DNM3: variants seen among roughly 807,000 people sequenced by gnomAD.
DNM3 encodes the protein dynamin 3.
A neutral mutation model predicts 101.6 loss-of-function variants in DNM3; 47 were observed. The ratio of observed to expected loss-of-function variants is 0.46; its 90% CI spans 0.37 to 0.59. DNM3 has a LOEUF of 0.59. Ranked by LOEUF, DNM3 falls within the 20% of genes least tolerant of loss-of-function variation. The pLI is 0.00. For missense variants in DNM3, 849 were observed against 1,085.7 expected (o/e 0.78, Z 3.06); for synonymous variants, 385 against 387.9 (o/e 0.99, Z 0.09).
At chr1:172,384,960 G>A (rs1471100841) in intron 18 of DNM3, among the ~76,000 whole-genome samples, 1 of 152,166 alleles carries the variant, frequency 6.6e-6, no homozygotes, top group Non-Finnish European at 1.5e-5. Context: ...CGTCTGTAAG[G>A]AAGGGAATGA....
chr1:172,359,526 G>A (rs2067632815), intron 17 of DNM3, among the ~76,000 whole-genome samples: 1 of 151,680 alleles, frequency 6.6e-6, no homozygotes, highest in Admixed American at 6.6e-5. Context: ...ACAATTTGGA[G>A]TAGGGAGTAA....
In DNM3 at chr1:172,033,224, G is replaced by A; in HGVS notation, c.808G>A (p.Asp270Asn). Residue 270 changes from aspartate (D) to asparagine (N), a missense_variant, in exon 6 of 21, where the codon GAC (aspartate) becomes AAC (asparagine). By Grantham distance (23) the Asp-to-Asn change is conservative (BLOSUM62 1). Transcript: ENST00000627582. ...LSHPAYRHIA[D>N]RMGTPHLQKV... ...CCACCCGGCTTACAGACATATCGCT[G>A]ACCGAATGGGAACCCCACACCTGCA... 6.2e-7 allele frequency: 1 copy of A among 1,606,190 alleles called. No homozygotes were observed. The highest frequency in any genetic ancestry group is 8.5e-7 in the Non-Finnish European group (1 of 1,176,256).
At chr1:172,170,368 A>G (rs2058909553) in intron 14 of DNM3, among the ~76,000 whole-genome samples, 2 of 151,818 alleles carry the variant, frequency 1.3e-5, no homozygotes, top group Admixed American at 6.6e-5. Context: ...AGACTTAAGC[A>G]TTTAACAACA....
At chr1:172,340,835 C>G (rs1432435806) in intron 17 of DNM3, among the ~76,000 whole-genome samples, 1 of 152,164 alleles carries the variant, frequency 6.6e-6, no homozygotes, top group East Asian at 1.9e-4. Flanking sequence ...ACTTCCAATA[C>G]TGTGTTGAAT....
chr1:172,338,688 C>A (rs528396926), intron 17 of DNM3: 1 of 360,740 alleles, frequency 2.8e-6, no homozygotes, highest in Non-Finnish European at 5.5e-6. Context: ...CCACCAGGTG[C>A]GCCCTGAGAG....
chr1:172,256,040 A>G (rs1049522891), intron 15 of DNM3, among the ~76,000 whole-genome samples: 1 of 152,046 alleles, frequency 6.6e-6, no homozygotes, highest in African/African-American at 2.4e-5. Flanking sequence ...CTGATGTTAA[A>G]CCATCCTTTG....
chr1:172,295,183 T>A (rs1253951338), intron 15 of DNM3, among the ~76,000 whole-genome samples: 1 of 152,038 alleles, frequency 6.6e-6, no homozygotes, highest in Non-Finnish European at 1.5e-5. Context: ...CTTCACTACA[T>A]CAACTTGAGA....
At chr1:171,958,686 T>C (rs917504718) in intron 2 of DNM3, among the ~76,000 whole-genome samples, 1 of 152,116 alleles carries the variant, frequency 6.6e-6, no homozygotes, top group Non-Finnish European at 1.5e-5. Context: ...GGTGTGACTG[T>C]GGAGTAAGCT....
intron 15 of DNM3, chr1:172,289,636 A>G (rs988870995): frequency 9.2e-6 from 9 of 981,898 alleles, no homozygotes; most frequent in African/African-American, 1.7e-5. Flanking sequence ...AACTTGCTCA[A>G]TTTAATGCTG....
chr1:172,167,088 G>A (rs1225704593), intron 14 of DNM3, among the ~76,000 whole-genome samples: 2 of 151,922 alleles, frequency 1.3e-5, no homozygotes, highest in Non-Finnish European at 2.9e-5. Context: ...CCCCATGTCA[G>A]GCCCTGGTGT....
intron 15 of DNM3, among the ~76,000 whole-genome samples, chr1:172,293,697 G>A (rs2064026782): frequency 6.6e-6 from 1 of 152,084 alleles, no homozygotes; most frequent in African/African-American, 2.4e-5. Flanking sequence ...CCTAAGATGA[G>A]GCTTCGAAAA....
Position 172,076,592 on chromosome 1 carries a change from G to A in DNM3, c.1423-5240G>A, listed in dbSNP as rs147331656. 5.9e-3 allele frequency among the ~76,000 whole-genome samples: 893 copies of A among 152,282 alleles called. 10 individuals carry two copies. Among genetic ancestry groups the A allele is most frequent in the African/African-American group, 0.02 (846 of 41,556 alleles). On this transcript the variant is annotated intron_variant, in intron 11 of 20. Transcript: ENST00000627582. ...AGATAATCATGTGGTTTACGTCATT[G>A]ATTCTGTTTATGTGATGGATTACAT...
At chr1:172,246,758 T>C (rs1162845800) in intron 14 of DNM3, among the ~76,000 whole-genome samples, 2 of 152,074 alleles carry the variant, frequency 1.3e-5, no homozygotes, top group Non-Finnish European at 2.9e-5. Flanking sequence ...ATGATGAATA[T>C]GTATGGTTAC....
At chr1:172,109,042 C>T (rs2055266531) in intron 13 of DNM3, among the ~76,000 whole-genome samples, 1 of 152,214 alleles carries the variant, frequency 6.6e-6, no homozygotes, top group South Asian at 2.1e-4. Context: ...AATATGAATT[C>T]TTTATGGAGT....
rs1187085809 is a variant in DNM3 at position 171,944,381 on chromosome 1, A to ATTTG, written c.235+22564_235+22567dup. On this transcript the variant is annotated intron_variant, in intron 2 of 20. Transcript: ENST00000627582. ...TATTTATTTATTTATTTATTTATTT[A>ATTTG]TTTGTTTATTTATAGATGGGGTCTC... Among the ~76,000 whole-genome samples the ATTTG allele has an allele frequency of 8.4e-4, 118 of 140,796 alleles. 1 individual carries two copies. Among genetic ancestry groups the ATTTG allele is most frequent in the African/African-American group, 2.1e-3 (77 of 36,480 alleles). 92.4% of individuals were successfully genotyped at this position (140,796 alleles called of 152,430 possible).
intron 17 of DNM3, among the ~76,000 whole-genome samples, chr1:172,357,714 C>T (rs1368388504): frequency 3.3e-5 from 5 of 151,960 alleles, no homozygotes; most frequent in Admixed American, 6.6e-5. Context: ...TACTAACATT[C>T]GAAGAATCTG....
At chr1:172,235,451 A>G (rs1401236096) in intron 14 of DNM3, among the ~76,000 whole-genome samples, 1 of 152,176 alleles carries the variant, frequency 6.6e-6, no homozygotes, top group Non-Finnish European at 1.5e-5. Context: ...ATTCCTCAGG[A>G]TCTAGAACTA....
At chr1:171,939,430 A>G (rs927682974) in intron 2 of DNM3, among the ~76,000 whole-genome samples, 4 of 152,032 alleles carry the variant, frequency 2.6e-5, no homozygotes, top group African/African-American at 9.7e-5. Context: ...CTATTTTTGG[A>G]GGAGATATGG....
rs150550953 is a variant in DNM3 at position 172,071,760 on chromosome 1, A to C, written c.1422+2855A>C. Among the ~76,000 whole-genome samples the C allele has an allele frequency of 3.5e-3, 527 of 151,772 alleles. 5 individuals are homozygous for C. Among genetic ancestry groups the C allele is most frequent in the African/African-American group, 0.012 (504 of 41,194 alleles). ...TTGGTGCTTCCATACATGTCACTGC[A>C]TGTTGAAGCAGTGGACTTTCTGGGC... On this transcript the variant is annotated intron_variant, in intron 11 of 20. Coordinates refer to ENST00000627582, the MANE Select transcript of DNM3 (RefSeq NM_015569.5).
Sources: gnomAD v4.1 joint callset for allele counts (sites outside exome capture counted in the v4.1 genomes callset) on GRCh38, gnomAD v4.1.1 for gene constraint, MANE v1.5 for transcripts, NCBI Gene and HGNC (gene_info 2026-07-23, HGNC 2026-07-21) for gene names.